Variants in PGAP1 observed in about 807,000 individuals in gnomAD.
PGAP1 encodes the protein GPI inositol-deacylase.
A neutral mutation model predicts 127.0 loss-of-function variants in PGAP1; 76 were observed. The ratio of observed to expected loss-of-function variants is 0.60; its 90% CI spans 0.50 to 0.72. PGAP1 has a LOEUF of 0.72. Among genes scored for constraint, PGAP1 ranks in the 30% least tolerant of loss-of-function variants. The pLI is 0.00. For synonymous variants in PGAP1, 362 were observed against 366.5 expected (o/e 0.99, Z 0.14); for missense variants, 982 against 1,071.3 (o/e 0.92, Z 1.16).
intron 19 of PGAP1, 73 bp downstream of exon 19, chr2:196,870,868 A>G: frequency 7.6e-7 from 1 of 1,321,006 alleles, no homozygotes; most frequent in Non-Finnish European, 1.1e-6. Context: ...TTATGGAAAA[A>G]GTCTACAACC....
intron 18 of PGAP1, among the ~76,000 whole-genome samples, chr2:196,872,161 T>A (rs1300886705): frequency 6.6e-6 from 1 of 152,206 alleles, no homozygotes; most frequent in Non-Finnish European, 1.5e-5. Flanking sequence ...AAAAAGATTC[T>A]GGACTTGGGG....
At chr2:196,844,652 G>A in intron 23 of PGAP1, 78 bp from the exon 24 acceptor site, 1 of 947,388 alleles carries the variant, frequency 1.1e-6, no homozygotes, top group Non-Finnish European at 1.6e-6. Context: ...TTAAAAATGA[G>A]AAGCACTGTA....
chr2:196,889,049 A>AT (rs1207692701), intron 10 of PGAP1, among the ~76,000 whole-genome samples: 1 of 152,192 alleles, frequency 6.6e-6, no homozygotes. Context: ...AATTGAAAAG[A>AT]TTTTTTTAAA....
chr2:196,898,132 A>G lies in PGAP1; in HGVS notation c.860+185T>C, dbSNP rs539995379. 2.0e-5 allele frequency among the ~76,000 whole-genome samples: 3 copies of G among 152,154 alleles called. No homozygotes were observed. The East Asian group carries it at 5.8e-4, about 29-fold the overall frequency. On this transcript the variant is annotated intron_variant, in intron 6 of 26. Transcript: ENST00000354764. ...CTTGGGAGGCTGAGGCATGAGGATC[A>G]CTTGAAGCCAGGAGGCGAGAGGTTG...
At chr2:196,889,369 C>T (rs1341493912) in intron 10 of PGAP1, among the ~76,000 whole-genome samples, 1 of 152,098 alleles carries the variant, frequency 6.6e-6, no homozygotes, top group Admixed American at 6.6e-5. Flanking sequence ...CAATGCCTAT[C>T]ATCTTTTTTT....
chr2:196,893,238 T>C lies in PGAP1; in HGVS notation c.935A>G (p.Gln312Arg), dbSNP rs759985498. ...AACTGACAGTTTCTTCTTGGAATTT[T>C]GAGTTATCTAGAAAGAACATTGATA... ...LIDADTKQIT[Q>R]NSKKKLSVLY... The change falls in exon 8 of 27, where the codon CAA becomes CGA. Residue 312 changes from glutamine to arginine, a missense_variant. Transcript: ENST00000354764. The C allele has an allele frequency of 1.3e-6, 2 of 1,543,220 alleles. No individual in the cohort carries two copies. Among genetic ancestry groups the C allele is most frequent in the South Asian group, 2.3e-5 (2 of 88,376 alleles).
At chr2:196,855,311 C>T (rs1203771871) in intron 20 of PGAP1, among the ~76,000 whole-genome samples, 7 of 127,254 alleles carry the variant, frequency 5.5e-5, no homozygotes, top group South Asian at 5.1e-4. Flanking sequence ...GGCGACAGAG[C>T]GAGACTCTGT....
chr2:196,885,755 T>C (rs1173393589), intron 11 of PGAP1, 79 bp downstream of exon 11: 7 of 870,390 alleles, frequency 8.0e-6, no homozygotes, highest in African/African-American at 5.2e-5. Context: ...AAAATAACAA[T>C]GTATGAAACT....
intron 1 of PGAP1, among the ~76,000 whole-genome samples, 154 bp from the exon 2 acceptor site, chr2:196,920,304 C>T (rs1703146507): frequency 6.6e-6 from 1 of 152,124 alleles, no homozygotes; most frequent in Non-Finnish European, 1.5e-5. Context: ...ACAAGTTCTA[C>T]TTGTAGTTTA....
intron 1 of PGAP1, chr2:196,922,061 A>T: frequency 1.0e-6 from 1 of 976,474 alleles, no homozygotes; most frequent in Non-Finnish European, 1.3e-6. Context: ...TATGTAGTTT[A>T]TTTTAAATGA....
chr2:196,862,528 C>T (rs909532734), intron 20 of PGAP1, among the ~76,000 whole-genome samples: 5 of 152,168 alleles, frequency 3.3e-5, no homozygotes, highest in Admixed American at 6.5e-5. Flanking sequence ...ACACCCTATT[C>T]GTACACTCCC....
At chr2:196,876,301 G>C (rs1206843183) in intron 13 of PGAP1, among the ~76,000 whole-genome samples, 1 of 152,026 alleles carries the variant, frequency 6.6e-6, no homozygotes, top group Non-Finnish European at 1.5e-5. Flanking sequence ...AAGCCTGCTG[G>C]AGAAATACTG....
At chr2:196,879,982 G>C in intron 13 of PGAP1, 94 bp downstream of exon 13, 2 of 865,590 alleles carry the variant, frequency 2.3e-6, no homozygotes, top group South Asian at 3.0e-5. Context: ...TACTGTTTTA[G>C]ATAAACTGTG....
chr2:196,870,259 A>G (rs1270640146), intron 19 of PGAP1, among the ~76,000 whole-genome samples: 1 of 151,904 alleles, frequency 6.6e-6, no homozygotes, highest in Non-Finnish European at 1.5e-5. Flanking sequence ...ATGAATTTAT[A>G]GTATGAGCAA....
Position 196,843,894 on chromosome 2 carries a change from T to C in PGAP1, c.2519A>G (p.Asn840Ser). ...TTATATCAATAAAACGCACCTAAGA[T>C]TCTTTAGCCAATAAATTAGAGAAGG... ...SMPSLIYWLK[N>S]LRYYFKLNPD... Residue 840 changes from asparagine to serine, a missense_variant, in exon 25 of 27, where the codon AAT (asparagine) becomes AGT (serine). Physicochemically the swap from Asn to Ser is conservative, Grantham distance 46 (BLOSUM62 1). Coordinates refer to ENST00000354764, the MANE Select transcript of PGAP1 (RefSeq NM_024989.4). 7 of 1,516,074 alleles carry C rather than the reference T, an allele frequency of 4.6e-6. No individual in the cohort carries two copies. Among genetic ancestry groups the C allele is most frequent in the Non-Finnish European group, 6.2e-6 (7 of 1,121,380 alleles). 93.9% of individuals were successfully genotyped at this position (1,516,074 alleles called of 1,614,324 possible). A position where few individuals can be genotyped will look rare whatever the true frequency, so the allele number is the denominator to read the frequency against.
rs766852236 is a variant in PGAP1, at chr2:196,892,346, G to A, written c.1089C>T (p.Asn363=). The change falls in exon 9 of 27, where the codon AAC becomes AAT. Residue 363 remains asparagine, a splice_region_variant and synonymous_variant. Transcript: ENST00000354764. ...KVSKWTYVAY[N]ESEKIYFTFP... ...AAAAATCCATTGGTGGAATACTTACGTTGTAAGCTACATAGGTCCATTTGG... is the reference window on the plus strand; with the variant it reads ...AAAAATCCATTGGTGGAATACTTACATTGTAAGCTACATAGGTCCATTTGG... 1.8e-5 allele frequency: 25 copies of A among 1,404,144 alleles called. No individual in the cohort carries two copies. In the Middle Eastern group the frequency reaches 7.1e-4, roughly 40 times the overall value. 87.0% of individuals were successfully genotyped at this position (1,404,144 alleles called of 1,614,324 possible). A position where few individuals can be genotyped will look rare whatever the true frequency, so the allele number is the denominator to read the frequency against.
At chr2:196,873,422 T>A (rs1395934457) in intron 16 of PGAP1, 106 bp downstream of exon 16, 12 of 798,710 alleles carry the variant, frequency 1.5e-5, no homozygotes, top group Non-Finnish European at 2.4e-5. Context: ...TTACTTCACA[T>A]AAAAATATAT....
intron 20 of PGAP1, among the ~76,000 whole-genome samples, chr2:196,852,316 G>T (rs1420920422): frequency 6.6e-6 from 1 of 151,978 alleles, no homozygotes; most frequent in African/African-American, 2.4e-5. Context: ...CAATAAATGA[G>T]TACTCATACA....
intron 5 of PGAP1, among the ~76,000 whole-genome samples, chr2:196,900,602 G>C (rs1383684758): frequency 2.6e-5 from 4 of 152,180 alleles, no homozygotes; most frequent in African/African-American, 9.6e-5. Context: ...CAGAGATACA[G>C]AAATCAGAGA....
Sources: gnomAD v4.1 joint callset for allele counts (sites outside exome capture counted in the v4.1 genomes callset) on GRCh38, gnomAD v4.1.1 for gene constraint, MANE v1.5 for transcripts, NCBI Gene and HGNC (gene_info 2026-07-23, HGNC 2026-07-21) for gene names.